The following NEDD1 variants were observed in gnomAD, a reference collection of about 807,000 sequenced individuals.
NEDD1 encodes NEDD1 gamma-tubulin ring complex targeting factor, also known as protein NEDD1.
NEDD1 carries 33 observed loss-of-function variants against 74.0 expected under a neutral mutation model. That is an observed-to-expected ratio of 0.45 (90% CI 0.34 to 0.60). The LOEUF (loss-of-function observed/expected upper bound fraction) is 0.60. NEDD1 is among the 20% of genes least tolerant of loss of function. The pLI is 0.01. For missense variants in NEDD1, 746 were observed against 776.5 expected, an observed-to-expected ratio of 0.96 and a Z score of 0.47; for synonymous variants, 250 against 264.4, an observed-to-expected ratio of 0.95 and a Z score of 0.53.
chr12:96,948,081 G>A (rs938619912), intron 14 of NEDD1, among the ~76,000 whole-genome samples: 4 of 152,264 alleles, frequency 2.6e-5, no homozygotes, highest in South Asian at 2.1e-4. Flanking sequence ...GGGTATTGAG[G>A]ACCTCTTTCT....
Position 96,943,578 on chromosome 12 carries a change from A to G in NEDD1, c.1313A>G (p.Gln438Arg). Residue 438 changes from glutamine to arginine, a missense_variant, in exon 12 of 16, where the codon CAG becomes CGG. Around this residue, in one of 3 missense-constraint regions of NEDD1, gnomAD observed 706 missense variants for 706.7 expected, o/e 1.00. Transcript: ENST00000266742. ...GKGDGFDFLP[Q>R]LNSVFPPRKN... The stretch of plus-strand genomic sequence containing the variant: ...TTTCCAGGCTTTGACTTTCTACCGC[A>G]GTTGAACTCAGTGTTTCCTCCAAGA... 2 of 1,612,908 alleles carry G rather than the reference A, an allele frequency of 1.2e-6. No homozygotes were observed. The highest frequency in any genetic ancestry group is 2.7e-5 in the African/African-American group (2 of 74,984).
intron 6 of NEDD1, among the ~76,000 whole-genome samples, chr12:96,930,475 A>T (rs980890877): frequency 1.3e-5 from 2 of 152,108 alleles, no homozygotes; most frequent in Non-Finnish European, 1.5e-5. Flanking sequence ...CCCTTCCAGG[A>T]CCAAATTGTG....
At chr12:96,910,520 T>C (rs957535422) in intron 3 of NEDD1, among the ~76,000 whole-genome samples, 2 of 152,182 alleles carry the variant, frequency 1.3e-5, no homozygotes, top group African/African-American at 4.8e-5. Flanking sequence ...AGCTCCTCAA[T>C]GTGGATAAAA....
At chr12:96,941,164 C>G (rs1877628487) in intron 10 of NEDD1, among the ~76,000 whole-genome samples, 1 of 151,972 alleles carries the variant, frequency 6.6e-6, no homozygotes, top group African/African-American at 2.4e-5. Context: ...TTAATATATT[C>G]ATACTTTTTG....
rs534887723 is a variant in NEDD1 at position 96,948,932 on chromosome 12, C to T, written c.1812-2500C>T. 1.9e-4 allele frequency among the ~76,000 whole-genome samples: 29 copies of T among 152,262 alleles called. No homozygotes were observed. The Middle Eastern group carries it at 0.01, about 54-fold the overall frequency. ...TTTGGTTGGTTTCCTGCCATCTAAC[C>T]CAGGGGGAGCATTGCTTAGAAGTCA... On this transcript the variant is annotated intron_variant, in intron 14 of 15. Transcript: ENST00000266742.
At chr12:96,919,606 C>G (rs1165741161) in intron 5 of NEDD1, among the ~76,000 whole-genome samples, 2 of 152,174 alleles carry the variant, frequency 1.3e-5, no homozygotes, top group African/African-American at 4.8e-5. Context: ...TTTCCTCTGC[C>G]AACTTCATTC....
chr12:96,920,047 A>T lies in NEDD1; in HGVS notation c.411A>T (p.Gly137=). 2 of 1,602,274 alleles carry T rather than the reference A, an allele frequency of 1.2e-6. No individual in the cohort carries two copies. The highest frequency in any genetic ancestry group is 1.7e-6 in the Non-Finnish European group (2 of 1,169,604). ...YNWNDCYIAS[G]SLSGEIILHS... ...GGAATGATTGCTACATTGCTTCTGG[A>T]TCTCTTAGTGGTGAAATTATTTTAC... is the stretch of plus-strand genomic sequence containing the variant. The change falls in exon 6 of 16, where the codon GGA becomes GGT. Residue 137 remains glycine (G), a synonymous_variant. Transcript: ENST00000266742.
At chr12:96,931,871 T>G (rs1348053289) in intron 6 of NEDD1, among the ~76,000 whole-genome samples, 1 of 152,144 alleles carries the variant, frequency 6.6e-6, no homozygotes, top group Non-Finnish European at 1.5e-5. Context: ...CTCTGGGTAG[T>G]GGGATTATGG....
intron 6 of NEDD1, among the ~76,000 whole-genome samples, chr12:96,928,129 A>T (rs249569): frequency 0.48 from 72,332 of 151,872 alleles, 17,489 homozygotes; most frequent in African/African-American, 0.54. Flanking sequence ...TATTTGAAAG[A>T]TGTTTTCTAA....
At chr12:96,921,726 C>T (rs1875121083) in intron 6 of NEDD1, among the ~76,000 whole-genome samples, 1 of 149,584 alleles carries the variant, frequency 6.7e-6, no homozygotes, top group South Asian at 2.1e-4. Flanking sequence ...GGGGAATGAT[C>T]ATGGCTCACT....
rs1169950421 is a variant in NEDD1 at position 96,937,192 on chromosome 12, T to C, written c.922-6T>C. On this transcript the variant is annotated splice_polypyrimidine_tract_variant and splice_region_variant and intron_variant, in intron 8 of 15. Transcript: ENST00000266742. ...CTGAGCTTTTAAATATTCCATTACA[T>C]TTCAGTCAAGTTTAAATAAAGGCTG... The C allele has an allele frequency of 7.1e-6, 11 of 1,550,016 alleles. No individual in the cohort carries two copies. The highest frequency in any genetic ancestry group is 9.7e-6 in the Non-Finnish European group (11 of 1,138,758).
At position 96,943,570 on chromosome 12, in the gene NEDD1, T is replaced by C; in HGVS notation, c.1305T>C (p.Phe435=). The C allele has an allele frequency of 6.2e-7, 1 of 1,612,812 alleles. No homozygotes were observed. The highest frequency in any genetic ancestry group is 8.5e-7 in the Non-Finnish European group (1 of 1,179,116). The part of the protein sequence containing the change: ...ESIGKGDGFD[F]LPQLNSVFPP... The stretch of plus-strand genomic sequence containing the variant: ...TTTTCCCTTTTCCAGGCTTTGACTT[T>C]CTACCGCAGTTGAACTCAGTGTTTC... Residue 435 remains phenylalanine (F), a synonymous_variant, in exon 12 of 16, where the codon TTT becomes TTC. Transcript: ENST00000266742.
intron 6 of NEDD1, among the ~76,000 whole-genome samples, chr12:96,924,594 A>G (rs1875487296): frequency 6.6e-6 from 1 of 151,848 alleles, no homozygotes; most frequent in Non-Finnish European, 1.5e-5. Flanking sequence ...GTTAAATTTT[A>G]TTTTCCTATT....
At chr12:96,921,207 A>G (rs952400019) in intron 6 of NEDD1, among the ~76,000 whole-genome samples, 1 of 152,038 alleles carries the variant, frequency 6.6e-6, no homozygotes, top group Admixed American at 6.6e-5. Context: ...TTTGAGGCGG[A>G]GTCTCGCTCA....
chr12:96,951,650 T>G (rs1242088120), intron 15 of NEDD1, 152 bp downstream of exon 15: 2 of 541,536 alleles, frequency 3.7e-6, no homozygotes, highest in Non-Finnish European at 6.4e-6. Context: ...AAATAGATTT[T>G]AACTGGTCAC....
At chr12:96,921,792 T>TA (rs60826498) in intron 6 of NEDD1, among the ~76,000 whole-genome samples, 10 of 147,074 alleles carry the variant, frequency 6.8e-5, no homozygotes, top group Non-Finnish European at 1.1e-4. Flanking sequence ...TTTTTTTTTT[T>TA]AATATTAGAG....
rs999469703 is a variant in NEDD1 at position 96,940,593 on chromosome 12, G to T, written c.1246+56G>T. On this transcript the variant is annotated intron_variant, in intron 10 of 15. Transcript: ENST00000266742. ...GCTGGTAGTTAATATTTTTATTCTG[G>T]CTAAAAGATGTGAATAATAGCTTCA... 7 of 1,304,024 alleles carry T rather than the reference G, an allele frequency of 5.4e-6. No individual in the cohort carries two copies. In the African/African-American group the frequency reaches 1.0e-4, roughly 19 times the overall value. The allele number at this position is 1,304,024 out of a possible 1,614,324, so 80.8% of individuals were successfully genotyped here.
intron 6 of NEDD1, among the ~76,000 whole-genome samples, chr12:96,927,427 A>C (rs1875832548): frequency 1.3e-5 from 2 of 152,242 alleles, no homozygotes; most frequent in Non-Finnish European, 2.9e-5. Flanking sequence ...GCTTCTGCAG[A>C]ACTCCCGGGC....
rs1254278664 is a variant in NEDD1 at position 96,952,479 on chromosome 12, G to A, written c.*426G>A. On this transcript the variant is annotated 3_prime_UTR_variant, in exon 16 of 16. Transcript: ENST00000266742. The stretch of plus-strand genomic sequence containing the variant: ...TATGCCTTCTATTTTTATGGAGAAA[G>A]TAATTTTAAAATGGCAATTGGTGTT... 6.6e-6 allele frequency: 1 copy of A among 152,446 alleles called. No homozygotes were observed. Among genetic ancestry groups the A allele is most frequent in the Non-Finnish European group, 1.5e-5 (1 of 68,268 alleles). 9.4% of individuals were successfully genotyped at this position (152,446 alleles called of 1,614,324 possible). A position where few individuals can be genotyped will look rare whatever the true frequency, so the allele number is the denominator to read the frequency against.
Sources: allele counts gnomAD v4.1 joint callset (sites outside exome capture counted in the v4.1 genomes callset), GRCh38; gene constraint gnomAD v4.1.1; regional missense constraint gnomAD v4.1.1; transcripts MANE v1.5; gene names NCBI Gene and HGNC (gene_info 2026-07-23, HGNC 2026-07-21).